The following VPS8 variants were observed in gnomAD, a reference collection of about 807,000 sequenced individuals.
The protein encoded by VPS8 is VPS8 subunit of CORVET complex.
VPS8 carries 129 observed loss-of-function variants against 216.4 expected under a neutral mutation model. That is an observed-to-expected ratio of 0.60 (90% confidence interval 0.52 to 0.69). The LOEUF (loss-of-function observed/expected upper bound fraction) is 0.69, where lower values mean the gene tolerates loss of function less well. Among genes scored for constraint, VPS8 ranks in the 30% least tolerant of loss-of-function variants. VPS8 has a pLI of 0.00. For missense variants in VPS8, 1,531 were observed against 1,683.5 expected, an observed-to-expected ratio of 0.91 and a Z score of 1.59; for synonymous variants, 571 against 565.4, an observed-to-expected ratio of 1.01 and a Z score of -0.14.
At chr3:184,910,868 T>G (rs1392736994) in intron 25 of VPS8, among the ~76,000 whole-genome samples, 3 of 152,210 alleles carry the variant, frequency 2.0e-5, no homozygotes, top group Non-Finnish European at 4.4e-5. Flanking sequence ...ATGCTTCTGC[T>G]CAGTCCTCAG....
chr3:185,045,178 A>ATGATCGCATTACGAAT (rs1342167576), intron 46 of VPS8, among the ~76,000 whole-genome samples: 1 of 151,508 alleles, frequency 6.6e-6, no homozygotes, highest in South Asian at 2.1e-4. Flanking sequence ...CACCAGTGTC[A>ATGATCGCATTACGAAT]ATACAAAGTG....
At chr3:184,870,653 C>T in intron 20 of VPS8, 63 bp from the exon 21 acceptor site, 1 of 1,241,958 alleles carries the variant, frequency 8.1e-7, no homozygotes. Context: ...AGGAGAGCCA[C>T]ATACATATTG....
intron 45 of VPS8, among the ~76,000 whole-genome samples, chr3:185,003,198 C>A (rs1426954976): frequency 1.6e-5 from 2 of 126,334 alleles, no homozygotes; most frequent in Non-Finnish European, 3.2e-5. Flanking sequence ...GTGTTTCTCG[C>A]AGAGGGGGAT....
intron 45 of VPS8, 57 bp from the exon 46 acceptor site, chr3:185,024,279 C>T (rs1414999334): frequency 6.8e-7 from 1 of 1,460,148 alleles, no homozygotes; most frequent in Non-Finnish European, 9.3e-7. Flanking sequence ...GAATGTGGGT[C>T]AGACAAAACT....
intron 21 of VPS8, among the ~76,000 whole-genome samples, chr3:184,885,790 A>G (rs1731106924): frequency 6.6e-6 from 1 of 152,018 alleles, no homozygotes; most frequent in South Asian, 2.1e-4. Context: ...TGTAATTCAT[A>G]TTTCTTTTTT....
intron 22 of VPS8, among the ~76,000 whole-genome samples, chr3:184,887,377 C>T (rs771359157): frequency 6.6e-6 from 1 of 151,886 alleles, no homozygotes; most frequent in Non-Finnish European, 1.5e-5. Context: ...ATAAACCAAC[C>T]AACCTGTGCT....
At chr3:185,039,720 A>G (rs1759382749) in intron 46 of VPS8, among the ~76,000 whole-genome samples, 1 of 152,062 alleles carries the variant, frequency 6.6e-6, no homozygotes, top group African/African-American at 2.4e-5. Context: ...TCAGGGATGC[A>G]TGTTTATCTC....
At chr3:184,971,774 T>C (rs776380236) in intron 40 of VPS8, 22 bp downstream of exon 40, 1 of 1,601,968 alleles carries the variant, frequency 6.2e-7, no homozygotes, top group Non-Finnish European at 8.5e-7. Flanking sequence ...ACTGTTTAGG[T>C]ATTTAAAAGC....
intron 25 of VPS8, among the ~76,000 whole-genome samples, chr3:184,906,656 C>T (rs374454628): frequency 2.2e-4 from 34 of 151,956 alleles, no homozygotes; most frequent in Admixed American, 1.3e-4. Flanking sequence ...TTTAAGGGGT[C>T]GTAAATGATT....
intron 45 of VPS8, among the ~76,000 whole-genome samples, chr3:185,005,789 A>C (rs138017581): frequency 1.9e-3 from 289 of 152,106 alleles, no homozygotes; most frequent in African/African-American, 6.7e-3. Context: ...CAGATCTAGG[A>C]GCTTATTGGA....
chr3:184,824,378 C>T (rs943773786), intron 1 of VPS8, 167 bp from the exon 2 acceptor site: 3 of 370,596 alleles, frequency 8.1e-6, no homozygotes, highest in African/African-American at 6.1e-5. Context: ...TCATTGAAAC[C>T]CTCTCCTAAT....
intron 30 of VPS8, among the ~76,000 whole-genome samples, chr3:184,926,158 G>A (rs1247393595): frequency 9.9e-5 from 15 of 151,018 alleles, no homozygotes; most frequent in Admixed American, 3.3e-4. Flanking sequence ...GGCGGATCAC[G>A]AGGTCAGGAG....
chr3:184,995,820 ATC>A (rs1169341688), intron 43 of VPS8, among the ~76,000 whole-genome samples: 2 of 152,184 alleles, frequency 1.3e-5, no homozygotes, highest in African/African-American at 2.4e-5. Context: ...GGAAAATGTG[ATC>A]TCTCTGCCCA....
At chr3:184,951,602 G>A (rs1376717380) in intron 36 of VPS8, among the ~76,000 whole-genome samples, 1 of 152,146 alleles carries the variant, frequency 6.6e-6, no homozygotes, top group Non-Finnish European at 1.5e-5. Flanking sequence ...ATCTGAGTAA[G>A]AGTGGATATG....
intron 36 of VPS8, among the ~76,000 whole-genome samples, chr3:184,942,846 A>C (rs1392847885): frequency 6.6e-6 from 1 of 152,226 alleles, no homozygotes; most frequent in African/African-American, 2.4e-5. Context: ...TTTAACCCAC[A>C]GTGTAAATAA....
intron 25 of VPS8, among the ~76,000 whole-genome samples, chr3:184,904,866 G>A (rs1735206548): frequency 6.6e-6 from 1 of 152,124 alleles, no homozygotes; most frequent in African/African-American, 2.4e-5. Flanking sequence ...ATTATTAGTT[G>A]TTTTGCTCTG....
chr3:184,825,667 C>T (rs1037460992), intron 2 of VPS8, among the ~76,000 whole-genome samples: 4 of 152,062 alleles, frequency 2.6e-5, no homozygotes, highest in African/African-American at 9.7e-5. Flanking sequence ...TTTATGAGGC[C>T]GAGATGGGTG....
At chr3:184,939,029 CAA>C (rs201525906) in intron 35 of VPS8, among the ~76,000 whole-genome samples, 22 of 53,414 alleles carry the variant, frequency 4.1e-4, no homozygotes, top group Non-Finnish European at 4.6e-4. Flanking sequence ...GACCCTGTCT[CAA>C]AAAAAAAAAA....
intron 30 of VPS8, among the ~76,000 whole-genome samples, chr3:184,926,331 C>T (rs573184887): frequency 1.6e-3 from 241 of 151,626 alleles, no homozygotes; most frequent in African/African-American, 5.5e-3. Context: ...GAACTGAGAT[C>T]GCGCCACTGC....
Sources: allele counts gnomAD v4.1 joint callset (sites outside exome capture counted in the v4.1 genomes callset), GRCh38; gene constraint gnomAD v4.1.1; transcripts MANE v1.5; gene names NCBI Gene and HGNC (gene_info 2026-07-23, HGNC 2026-07-21).